The following ADD1 variants were observed in gnomAD, a reference collection of about 807,000 sequenced individuals.
ADD1 encodes the protein alpha-adducin.
In ADD1, 24 loss-of-function variants were observed where a neutral mutation model predicts 80.5. The observed-to-expected ratio is 0.30, with a 90% CI of 0.22 to 0.42. The LOEUF (loss-of-function observed/expected upper bound fraction) is 0.42, where lower values mean the gene tolerates loss of function less well. Among genes scored for constraint, ADD1 ranks in the 10% least tolerant of loss-of-function variants. The pLI is 1.00. For synonymous variants in ADD1, 373 were observed against 393.8 expected, an observed-to-expected ratio of 0.95 and a Z score of 0.63; for missense variants, 948 against 1,019.0, an observed-to-expected ratio of 0.93 and a Z score of 0.95.
chr4:2,895,717 C>T (rs1008090269), intron 6 of ADD1, among the ~76,000 whole-genome samples: 10 of 152,146 alleles, frequency 6.6e-5, no homozygotes, highest in African/African-American at 2.4e-4. Flanking sequence ...TGTGAATGGG[C>T]CACCCTGACA....
chr4:2,894,508 C>CAAAA (rs898922221), intron 5 of ADD1, 74 bp from the exon 6 acceptor site: 170 of 1,091,546 alleles, frequency 1.6e-4, no homozygotes, highest in East Asian at 4.9e-4. Flanking sequence ...CAGACCCTAT[C>CAAAA]AAAAAAAAAA....
At chr4:2,876,233 AGTATAC>A in intron 2 of ADD1, 123 bp downstream of exon 2, 1 of 889,894 alleles carries the variant, frequency 1.1e-6, no homozygotes, top group Non-Finnish European at 1.7e-6. Flanking sequence ...CAGTGCCTTG[AGTATAC>A]GTATATGGTT....
chr4:2,915,865 G>T (rs975725151), intron 14 of ADD1, among the ~76,000 whole-genome samples: 1 of 152,168 alleles, frequency 6.6e-6, no homozygotes. Flanking sequence ...CTAGGAGGGA[G>T]ACGTGTGTAA....
chr4:2,919,819 C>CT (rs1402669774), intron 14 of ADD1, among the ~76,000 whole-genome samples: 3 of 151,056 alleles, frequency 2.0e-5, no homozygotes, highest in African/African-American at 2.4e-5. Context: ...TTTTTGAAGG[C>CT]TTTTTTGTGT....
Position 2,852,301 on chromosome 4 carries a change from CT to C in ADD1, c.-21+8281del, listed in dbSNP as rs758310284. ...TCCTTCTTTTCTTTTCTTTTCTTTT[CT>C]TTTCTTTTTTTTCTTTTCTTTTCTT... On this transcript the variant is annotated intron_variant, in intron 1 of 15. Coordinates refer to ENST00000683351, the MANE Select transcript of ADD1 (RefSeq NM_001354761.2). 6.1e-3 allele frequency among the ~76,000 whole-genome samples: 520 copies of C among 85,028 alleles called. 5 individuals carry two copies. The highest frequency in any genetic ancestry group is 0.02 in the Middle Eastern group (3 of 152). 55.8% of individuals were successfully genotyped at this position (85,028 alleles called of 152,430 possible).
chr4:2,909,839 G>C (rs1423898099), intron 13 of ADD1, among the ~76,000 whole-genome samples: 3 of 151,586 alleles, frequency 2.0e-5, no homozygotes, highest in African/African-American at 7.3e-5. Context: ...ACCCTCGCTG[G>C]TTCAACTTTG....
At chr4:2,881,837 G>C in intron 2 of ADD1, 61 bp from the exon 3 acceptor site, 1 of 1,476,456 alleles carries the variant, frequency 6.8e-7, no homozygotes, top group Non-Finnish European at 9.1e-7. Flanking sequence ...AGCTACTTCT[G>C]ACCCCCTGCC....
At chr4:2,882,563 T>C (rs775085016) in intron 3 of ADD1, among the ~76,000 whole-genome samples, 1 of 152,248 alleles carries the variant, frequency 6.6e-6, no homozygotes, top group Non-Finnish European at 1.5e-5. Flanking sequence ...TGACAAAGCA[T>C]CAACTAATCT....
intron 1 of ADD1, among the ~76,000 whole-genome samples, chr4:2,859,940 G>A (rs1442294956): frequency 1.4e-5 from 2 of 143,986 alleles, no homozygotes; most frequent in Non-Finnish European, 3.0e-5. Flanking sequence ...TTTTTTTTCA[G>A]GAGAAACATT....
At position 2,914,452 on chromosome 4, in the gene ADD1, G is replaced by A. The variant is rs144164159; in HGVS notation, c.1792-432G>A. Reference sequence around the variant, plus strand: ...CCTGTGCTCTTAGAATATGAGCAAAGCTCTGAGCATGCCTTACGCTGAGTG... The same window carrying A: ...CCTGTGCTCTTAGAATATGAGCAAAACTCTGAGCATGCCTTACGCTGAGTG... On this transcript the variant is annotated intron_variant, in intron 13 of 15. Coordinates refer to ENST00000683351, the MANE Select transcript of ADD1 (RefSeq NM_001354761.2). 1.1e-3 allele frequency among the ~76,000 whole-genome samples: 166 copies of A among 152,334 alleles called. 1 individual carries two copies. Among genetic ancestry groups the A allele is most frequent in the Admixed American group, 3.6e-3 (55 of 15,306 alleles).
chr4:2,893,221 G>T (rs1017316023), intron 4 of ADD1, among the ~76,000 whole-genome samples: 4 of 151,960 alleles, frequency 2.6e-5, no homozygotes, highest in African/African-American at 9.7e-5. Context: ...GAGCCACAGT[G>T]CCCAGCCTAG....
chr4:2,847,556 T>A (rs534981494), intron 1 of ADD1, among the ~76,000 whole-genome samples: 1 of 152,362 alleles, frequency 6.6e-6, no homozygotes, highest in Non-Finnish European at 1.5e-5. Flanking sequence ...CAGAACAAGA[T>A]GAACACGTGA....
In ADD1 at chr4:2,926,806, C is replaced by A; in HGVS notation, c.2047+694C>A. The A allele has an allele frequency of 9.2e-7, 1 of 1,082,560 alleles. No homozygotes were observed. Among genetic ancestry groups the A allele is most frequent in the Non-Finnish European group, 1.3e-6 (1 of 752,368 alleles). The allele number at this position is 1,082,560 out of a possible 1,614,324, so 67.1% of individuals were successfully genotyped here. A position where few individuals can be genotyped will look rare whatever the true frequency, so the allele number is the denominator to read the frequency against. On this transcript the variant is annotated intron_variant, in intron 15 of 15. Coordinates refer to ENST00000683351, the MANE Select transcript of ADD1 (RefSeq NM_001354761.2). This position sits in a 1 kb window ranked among gnomAD's most constrained non-coding sequence, Gnocchi z 5.0. ...AAACAGAAGCCCCCCTTTTTTGTACCCAGTCCCTTGGAGGCCTTCCTGGAA... is the reference window on the plus strand; with the variant it reads ...AAACAGAAGCCCCCCTTTTTTGTACACAGTCCCTTGGAGGCCTTCCTGGAA...
At chr4:2,862,899 G>T (rs533007714) in intron 1 of ADD1, among the ~76,000 whole-genome samples, 396 of 152,302 alleles carry the variant, frequency 2.6e-3, no homozygotes, top group Non-Finnish European at 4.3e-3. Flanking sequence ...GATATTTGGT[G>T]ACTGAGTGCT....
intron 10 of ADD1, chr4:2,905,416 A>G (rs1389184466): frequency 1.9e-5 from 7 of 374,956 alleles, no homozygotes; most frequent in South Asian, 3.9e-5. Flanking sequence ...ATTTAATTCA[A>G]ATTATATTCA....
intron 14 of ADD1, among the ~76,000 whole-genome samples, chr4:2,923,450 G>A (rs916220379): frequency 2.0e-5 from 3 of 152,326 alleles, no homozygotes; most frequent in African/African-American, 4.8e-5. Flanking sequence ...GCTTTGGCTC[G>A]CCCTCCGTGG....
At chr4:2,880,809 T>C (rs1732186359) in intron 2 of ADD1, among the ~76,000 whole-genome samples, 1 of 151,914 alleles carries the variant, frequency 6.6e-6, no homozygotes. Flanking sequence ...GTGAAAAAAT[T>C]ATTTTAGTGC....
At chr4:2,908,391 G>A (rs1008275670) in intron 11 of ADD1, 124 bp from the exon 12 acceptor site, 10 of 790,142 alleles carry the variant, frequency 1.3e-5, no homozygotes, top group Middle Eastern at 3.6e-4. Context: ...CTGCCTGCGT[G>A]GGGCAGTGGG....
chr4:2,899,581 T>A, intron 9 of ADD1, 146 bp downstream of exon 9: 2 of 862,370 alleles, frequency 2.3e-6, no homozygotes, highest in Non-Finnish European at 3.8e-6. Context: ...TAGGGTTGTT[T>A]AACTTCTGAG....
Sources: gnomAD v4.1 joint callset for allele counts (sites outside exome capture counted in the v4.1 genomes callset) on GRCh38, gnomAD v4.1.1 for gene constraint, Gnocchi (gnomAD v3.1) non-coding constraint, MANE v1.5 for transcripts, NCBI Gene and HGNC (gene_info 2026-07-23, HGNC 2026-07-21) for gene names.